Variants in COASY observed in about 807,000 individuals in gnomAD.
The protein encoded by COASY is Coenzyme A synthase.
Under a neutral mutation model 49.4 loss-of-function variants are expected in COASY, and 31 were observed. That is an observed-to-expected ratio of 0.63 (90% confidence interval 0.47 to 0.85). COASY has a LOEUF of 0.85. COASY is among the 40% of genes least tolerant of loss of function. COASY has a pLI of 0.00. For synonymous variants in COASY, 285 were observed against 310.9 expected (o/e 0.92, Z 0.88); for missense variants, 730 against 734.1 (o/e 0.99, Z 0.06).
intron 1 of COASY, chr17:42,563,543 A>C (rs2092988097): frequency 3.5e-6 from 2 of 563,860 alleles, no homozygotes; most frequent in Non-Finnish European, 3.1e-6. Context: ...CCCAAATGTG[A>C]AGCAAAGGGA....
chr17:42,563,423 C>A, intron 1 of COASY, 101 bp downstream of exon 1: 1 of 1,109,780 alleles, frequency 9.0e-7, no homozygotes, highest in Non-Finnish European at 1.3e-6. Flanking sequence ...TTCATTACTT[C>A]CCACCCTTCC....
At position 42,565,815 on chromosome 17, in the gene COASY, C is replaced by T; in HGVS notation, c.1632+10C>T. 6.2e-7 allele frequency: 1 copy of T among 1,613,934 alleles called. No individual in the cohort carries two copies. The highest frequency in any genetic ancestry group is 8.5e-7 in the Non-Finnish European group (1 of 1,179,972). On this transcript the variant is annotated intron_variant, in intron 8 of 8. Transcript: ENST00000393818. ...TATCACCCAACGCCAGGTTGGTGCC[C>T]AGGGCAAGGCCGGGTTGTGGGGAAG...
intron 3 of COASY, 64 bp from the exon 4 acceptor site, chr17:42,564,645 G>T: frequency 6.5e-7 from 1 of 1,547,284 alleles, no homozygotes; most frequent in East Asian, 2.3e-5. Flanking sequence ...AAGCTGAGGG[G>T]CTCAGCCCCA....
chr17:42,563,840 G>C, intron 1 of COASY, 121 bp from the exon 2 acceptor site: 1 of 723,672 alleles, frequency 1.4e-6, no homozygotes. Context: ...GGCCTTACCA[G>C]TTGAACCCTT....
chr17:42,563,087 T>A lies in COASY; in HGVS notation c.465T>A (p.Asp155Glu). The A allele has an allele frequency of 6.2e-7, 1 of 1,613,884 alleles. No individual in the cohort carries two copies. The highest frequency in any genetic ancestry group is 2.2e-5 in the East Asian group (1 of 44,868). ...PRLASVLLYS[D>E]YGIGEVPVEP... ...TGGCCTCGGTGCTGCTATACTCCGA[T>A]TATGGGATAGGAGAAGTGCCCGTGG... The change falls in exon 1 of 9, where the codon GAT (aspartate) becomes GAA (glutamate). Residue 155 changes from aspartate (D) to glutamate (E), a missense_variant. Physicochemically the swap from Asp to Glu is conservative, Grantham distance 45. Transcript: ENST00000393818.
Position 42,562,563 on chromosome 17 carries a change from GC to G in COASY, c.-58del, listed in dbSNP as rs2092980577. 2.5e-6 allele frequency: 4 copies of G among 1,572,148 alleles called. No homozygotes were observed. Among genetic ancestry groups the G allele is most frequent in the Non-Finnish European group, 2.6e-6 (3 of 1,161,184 alleles). ...AGGTCCCATACAGGCCTCTGCCTCG[GC>G]CGCAGGCCCTTCAGTCACCGTCGCC... On this transcript the variant is annotated 5_prime_UTR_variant, in exon 1 of 9. Coordinates refer to ENST00000393818, the MANE Select transcript of COASY (RefSeq NM_025233.7).
In COASY at chr17:42,563,220, T is replaced by C; in HGVS notation, c.598T>C (p.Phe200Leu). Reference sequence around the variant, plus strand: ...CTACCGTGGCGCTGTCGGTGGCACGTTTGACCGCCTGCACAACGCCCACAA... The same window carrying C: ...CTACCGTGGCGCTGTCGGTGGCACGCTTGACCGCCTGCACAACGCCCACAA... The part of the protein sequence containing the change: ...GYYRGAVGGT[F>L]DRLHNAHKVL... The change falls in exon 1 of 9, where the codon TTT (phenylalanine) becomes CTT (leucine). Residue 200 changes from phenylalanine to leucine, a missense_variant. Transcript: ENST00000393818. 1 of 1,613,554 alleles carries C rather than the reference T, an allele frequency of 6.2e-7. No individual in the cohort carries two copies. Among genetic ancestry groups the C allele is most frequent in the African/African-American group, 1.3e-5 (1 of 75,016 alleles).
At chr17:42,565,355 C>T in intron 6 of COASY, 44 bp downstream of exon 6, 4 of 1,609,286 alleles carry the variant, frequency 2.5e-6, no homozygotes, top group Non-Finnish European at 3.4e-6. Context: ...GACAGTTAAG[C>T]TGTTTCTTCC....
chr17:42,563,530 T>A, intron 1 of COASY: 1 of 582,042 alleles, frequency 1.7e-6, no homozygotes, highest in Non-Finnish European at 3.0e-6. Context: ...TCAATCAGAA[T>A]ACCCCAAATG....
chr17:42,564,435 C>T lies in COASY; in HGVS notation c.916-11C>T. 10 of 1,613,992 alleles carry T rather than the reference C, an allele frequency of 6.2e-6. No homozygotes were observed. Among genetic ancestry groups the T allele is most frequent in the Non-Finnish European group, 8.5e-6 (10 of 1,179,966 alleles). ...TCCTTCCCTCTTTTTACCCTTTCCTCTTTACCCCAGGACCTGGAGGAACTT... is the reference window on the plus strand; with the variant it reads ...TCCTTCCCTCTTTTTACCCTTTCCTTTTTACCCCAGGACCTGGAGGAACTT... On this transcript the variant is annotated splice_polypyrimidine_tract_variant and intron_variant, in intron 2 of 8. Coordinates refer to ENST00000393818, the MANE Select transcript of COASY (RefSeq NM_025233.7).
rs1234658018 is a variant in COASY at position 42,562,784 on chromosome 17, G to T, written c.162G>T (p.Gln54His). 1 of 1,609,412 alleles carries T rather than the reference G, an allele frequency of 6.2e-7. No homozygotes were observed. Among genetic ancestry groups the T allele is most frequent in the Non-Finnish European group, 8.5e-7 (1 of 1,177,130 alleles). ...GCCTGGAGGGCCCGGCTCAGCCCCA[G>T]TCCAGCCCCGTGCAGGCCACGTTTG... Reference protein sequence around the residue: ...GMSLEGPAQPQSSPVQATFEV... With the variant: ...GMSLEGPAQPHSSPVQATFEV... Residue 54 changes from glutamine to histidine, a missense_variant, in exon 1 of 9, where the codon CAG becomes CAT. Gln to His is a conservative substitution (Grantham distance 24). Transcript: ENST00000393818.
intron 3 of COASY, 48 bp downstream of exon 3, chr17:42,564,625 T>C (rs748194668): frequency 4.4e-6 from 7 of 1,573,532 alleles, no homozygotes; most frequent in Non-Finnish European, 3.4e-6. Flanking sequence ...CTGGCAATGC[T>C]GGAGAGTAGA....
rs763993868 is a variant in COASY, at chr17:42,562,594, C to T, written c.-29C>T. The stretch of plus-strand genomic sequence containing the variant: ...GGCCCTTCAGTCACCGTCGCCTCGT[C>T]TCCCTGACTGTCCGCAGGCCTGGGC... On this transcript the variant is annotated 5_prime_UTR_variant, in exon 1 of 9. Coordinates refer to ENST00000393818, the MANE Select transcript of COASY (RefSeq NM_025233.7). The T allele has an allele frequency of 3.9e-6, 6 of 1,543,048 alleles. No homozygotes were observed. In the South Asian group the frequency reaches 6.1e-5, roughly 16 times the overall value.
At position 42,562,535 on chromosome 17, in the gene COASY, C is replaced by T. The variant is rs201479820; in HGVS notation, c.-88C>T. 1.9e-6 allele frequency: 3 copies of T among 1,610,464 alleles called. No individual in the cohort carries two copies. The highest frequency in any genetic ancestry group is 4.5e-5 in the East Asian group (2 of 44,876). ...TGCTCCAGGCCTCCTTCTCTGGGGT[C>T]CAAGGTCCCATACAGGCCTCTGCCT... On this transcript the variant is annotated 5_prime_UTR_variant, in exon 1 of 9. Coordinates refer to ENST00000393818, the MANE Select transcript of COASY (RefSeq NM_025233.7).
At position 42,562,442 on chromosome 17, in the gene COASY, C is replaced by T. The variant is rs754940764; in HGVS notation, c.-181C>T. The T allele has an allele frequency of 3.1e-6, 5 of 1,613,788 alleles. No individual in the cohort carries two copies. Among genetic ancestry groups the T allele is most frequent in the Admixed American group, 1.7e-5 (1 of 59,998 alleles). The stretch of plus-strand genomic sequence containing the variant: ...GACACCAAGGCTTAGAGCACAGCCC[C>T]GAGGCGCCGTCTACCAGGCCCCGTC... On this transcript the variant is annotated 5_prime_UTR_variant, in exon 1 of 9. An upstream open reading frame in the 5' UTR gains an earlier in-frame stop. Coordinates refer to ENST00000393818, the MANE Select transcript of COASY (RefSeq NM_025233.7).
chr17:42,565,587 C>G lies in COASY; in HGVS notation c.1485+19C>G, dbSNP rs754871882. ...GACTGAGGTATCTCGCCCCACCCCC[C>G]ACACCATCCCTACTGCAGATCCTAT... is the stretch of plus-strand genomic sequence containing the variant. On this transcript the variant is annotated intron_variant, in intron 7 of 8. Coordinates refer to ENST00000393818, the MANE Select transcript of COASY (RefSeq NM_025233.7). The G allele has an allele frequency of 3.2e-5, 52 of 1,614,046 alleles. 1 individual carries two copies. The Middle Eastern group carries it at 9.9e-4, about 31-fold the overall frequency.
chr17:42,562,333 C>G lies in COASY; in HGVS notation c.-290C>G, dbSNP rs2092978660. The stretch of plus-strand genomic sequence containing the variant: ...GCCCAGGATTTTTGGATCCCCAGCC[C>G]TGTGACAAGGGTTCCTGTCCAGTTT... On this transcript the variant is annotated 5_prime_UTR_variant, in exon 1 of 9. Coordinates refer to ENST00000393818, the MANE Select transcript of COASY (RefSeq NM_025233.7). 2 of 1,378,670 alleles carry G rather than the reference C, an allele frequency of 1.5e-6. No individual in the cohort carries two copies. Among genetic ancestry groups the G allele is most frequent in the South Asian group, 1.2e-5 (1 of 84,556 alleles). The allele number at this position is 1,378,670 out of a possible 1,614,324, so 85.4% of individuals were successfully genotyped here.
rs145349142 is a variant in COASY, at chr17:42,565,507, T to G, written c.1424T>G (p.Leu475Arg). 1.2e-6 allele frequency: 2 copies of G among 1,614,192 alleles called. No homozygotes were observed. The highest frequency in any genetic ancestry group is 1.7e-6 in the Non-Finnish European group (2 of 1,180,034). Residue 475 changes from leucine to arginine, a missense_variant, in exon 7 of 9, where the codon CTT becomes CGT. Physicochemically the swap from Leu to Arg is moderately radical, Grantham distance 102. Transcript: ENST00000393818. ...RVCVIDAAVL[L>R]EAGWQNLVHE... ...TGTGTGATTGATGCCGCTGTGTTGCTTGAAGCCGGCTGGCAGAACCTGGTC... is the reference window on the plus strand; with the variant it reads ...TGTGTGATTGATGCCGCTGTGTTGCGTGAAGCCGGCTGGCAGAACCTGGTC...
At chr17:42,563,774 G>A (rs1042647438) in intron 1 of COASY, 187 bp from the exon 2 acceptor site, 10 of 587,826 alleles carry the variant, frequency 1.7e-5, no homozygotes, top group Non-Finnish European at 2.7e-5. Context: ...AGCCCTTGGA[G>A]TGACTATTGT....
Sources: gnomAD v4.1 joint callset for allele counts on GRCh38, gnomAD v4.1.1 for gene constraint, MANE v1.5 for transcripts, NCBI Gene and HGNC (gene_info 2026-07-23, HGNC 2026-07-21) for gene names.